Variants in MSRA observed in about 807,000 individuals in gnomAD.
MSRA encodes the protein methionine sulfoxide reductase A, also known as mitochondrial peptide methionine sulfoxide reductase.
In MSRA, 54 loss-of-function variants were observed where a neutral mutation model predicts 31.3. The observed-to-expected ratio is 1.73, with a 90% confidence interval of 1.39 to 2.17. The LOEUF is 2.17. MSRA is among the 30% of genes most tolerant of loss of function. MSRA has a pLI of 0.00. For missense variants in MSRA, 507 were observed against 300.9 expected, an observed-to-expected ratio of 1.69 and a Z score of -5.07; for synonymous variants, 169 against 116.5, an observed-to-expected ratio of 1.45 and a Z score of -2.90.
intron 1 of MSRA, among the ~76,000 whole-genome samples, chr8:10,119,740 T>G (rs1800969219): frequency 6.6e-6 from 1 of 152,108 alleles, no homozygotes; most frequent in Non-Finnish European, 1.5e-5. Flanking sequence ...GGAGACGTCT[T>G]ATAATCGAGT....
chr8:10,386,725 C>G (rs1806415257), intron 5 of MSRA, among the ~76,000 whole-genome samples: 1 of 152,042 alleles, frequency 6.6e-6, no homozygotes, highest in African/African-American at 2.4e-5. Context: ...AACCACTGGT[C>G]TAATTTAGCC....
chr8:10,402,726 T>C (rs1224130507), intron 5 of MSRA, among the ~76,000 whole-genome samples: 1 of 152,244 alleles, frequency 6.6e-6, no homozygotes, highest in Non-Finnish European at 1.5e-5. Flanking sequence ...TAGTTGCAGA[T>C]GGCCAAGCTC....
At chr8:10,285,113 A>G (rs1274860274) in intron 3 of MSRA, among the ~76,000 whole-genome samples, 2 of 151,768 alleles carry the variant, frequency 1.3e-5, no homozygotes, top group Non-Finnish European at 2.9e-5. Context: ...TATGGAGCCC[A>G]TTCCCTTCGT....
intron 3 of MSRA, among the ~76,000 whole-genome samples, chr8:10,271,995 A>C (rs1334113634): frequency 6.6e-6 from 1 of 152,194 alleles, no homozygotes; most frequent in Non-Finnish European, 1.5e-5. Flanking sequence ...GGCGTGAGCC[A>C]CTGTGCCCGG....
chr8:10,111,128 A>G (rs1399547463), intron 1 of MSRA, among the ~76,000 whole-genome samples: 1 of 152,174 alleles, frequency 6.6e-6, no homozygotes, highest in Non-Finnish European at 1.5e-5. Flanking sequence ...TTTCCGTGTT[A>G]TCCAGGGACG....
chr8:10,190,612 C>A (rs915697453), intron 1 of MSRA, among the ~76,000 whole-genome samples: 18 of 152,266 alleles, frequency 1.2e-4, no homozygotes, highest in African/African-American at 3.8e-4. Flanking sequence ...TCTGTCAGTC[C>A]GTGTTTGCCA....
chr8:10,387,886 C>G (rs982959183), intron 5 of MSRA, among the ~76,000 whole-genome samples: 2 of 152,160 alleles, frequency 1.3e-5, no homozygotes, highest in African/African-American at 4.8e-5. Flanking sequence ...GTCTTTGGTT[C>G]TCAGGCAGCT....
At chr8:10,075,238 C>T (rs532755265) in intron 1 of MSRA, among the ~76,000 whole-genome samples, 3 of 152,220 alleles carry the variant, frequency 2.0e-5, no homozygotes, top group African/African-American at 4.8e-5. Flanking sequence ...ACATGATGAC[C>T]ATTAGTTAAA....
intron 2 of MSRA, among the ~76,000 whole-genome samples, chr8:10,239,860 T>G (rs1417911718): frequency 6.6e-6 from 1 of 152,016 alleles, no homozygotes; most frequent in East Asian, 1.9e-4. Flanking sequence ...TGTCCCTACC[T>G]TTGGAGTGTT....
At chr8:10,340,107 A>G (rs935996384) in intron 5 of MSRA, among the ~76,000 whole-genome samples, 4 of 152,002 alleles carry the variant, frequency 2.6e-5, no homozygotes, top group Non-Finnish European at 5.9e-5. Context: ...TGGGAAAGAG[A>G]CGGCAAAGGA....
intron 4 of MSRA, among the ~76,000 whole-genome samples, chr8:10,313,315 G>T (rs1383580384): frequency 6.6e-6 from 1 of 152,158 alleles, no homozygotes; most frequent in Non-Finnish European, 1.5e-5. Flanking sequence ...GGCCCCTGAA[G>T]AGTTCATGAA....
At chr8:10,135,716 TA>T (rs1802224202) in intron 1 of MSRA, among the ~76,000 whole-genome samples, 1 of 152,206 alleles carries the variant, frequency 6.6e-6, no homozygotes, top group Non-Finnish European at 1.5e-5. Context: ...TTGCCATTTT[TA>T]TGGGCAAAGA....
intron 5 of MSRA, among the ~76,000 whole-genome samples, chr8:10,343,246 AT>A (rs1803555712): frequency 1.3e-5 from 2 of 152,206 alleles, no homozygotes; most frequent in South Asian, 4.1e-4. Context: ...TCCAGAATCC[AT>A]GGTGAGAACA....
At chr8:10,144,730 T>C (rs914473327) in intron 1 of MSRA, among the ~76,000 whole-genome samples, 12 of 152,190 alleles carry the variant, frequency 7.9e-5, no homozygotes, top group Admixed American at 2.0e-4. Flanking sequence ...ATCCAGTGTG[T>C]ATCTCATGCC....
At chr8:10,156,219 C>A (rs1804141990) in intron 1 of MSRA, among the ~76,000 whole-genome samples, 1 of 152,134 alleles carries the variant, frequency 6.6e-6, no homozygotes, top group Non-Finnish European at 1.5e-5. Flanking sequence ...TCGAAACAAA[C>A]AAAATGGCTA....
chr8:10,404,529 C>A (rs1465802708), intron 5 of MSRA, among the ~76,000 whole-genome samples: 1 of 152,216 alleles, frequency 6.6e-6, no homozygotes, highest in East Asian at 1.9e-4. Flanking sequence ...AATAGGCCAT[C>A]CCGGGCGGCC....
At chr8:10,196,126 C>A (rs979386860) in intron 1 of MSRA, among the ~76,000 whole-genome samples, 3 of 152,198 alleles carry the variant, frequency 2.0e-5, no homozygotes, top group Non-Finnish European at 4.4e-5. Flanking sequence ...CCCCTTGCAA[C>A]CTCCAGGCAT....
At chr8:10,171,177 G>A (rs1805555107) in intron 1 of MSRA, among the ~76,000 whole-genome samples, 1 of 152,208 alleles carries the variant, frequency 6.6e-6, no homozygotes, top group Admixed American at 6.5e-5. Context: ...AGAAAGAGAA[G>A]CTGGGCCAGA....
chr8:10,389,297 A>G (rs879079102), intron 5 of MSRA, among the ~76,000 whole-genome samples: 1 of 152,190 alleles, frequency 6.6e-6, no homozygotes, highest in Admixed American at 6.5e-5. Context: ...GGAGTGATAG[A>G]GTTCTAGAGG....
Sources: gnomAD v4.1 joint callset for allele counts (sites outside exome capture counted in the v4.1 genomes callset) on GRCh38, gnomAD v4.1.1 for gene constraint, MANE v1.5 for transcripts, NCBI Gene and HGNC (gene_info 2026-07-23, HGNC 2026-07-21) for gene names.